The following PRKACB variants were observed in gnomAD, a reference collection of about 807,000 sequenced individuals.
PRKACB encodes cAMP-dependent protein kinase catalytic subunit beta.
PRKACB carries 16 observed loss-of-function variants against 51.4 expected under a neutral mutation model. That is an observed-to-expected ratio of 0.31 (90% CI 0.21 to 0.47). PRKACB has a LOEUF of 0.47. Among genes scored for constraint, PRKACB ranks in the 20% least tolerant of loss-of-function variants. The probability of loss-of-function intolerance (pLI) is 1.00; values close to 1 mark genes in which losing one functional copy is unlikely to be tolerated. For missense variants in PRKACB, 309 were observed against 464.5 expected, an observed-to-expected ratio of 0.67 and a Z score of 3.08; for synonymous variants, 147 against 154.4, an observed-to-expected ratio of 0.95 and a Z score of 0.35.
intron 1 of PRKACB, among the ~76,000 whole-genome samples, chr1:84,085,215 A>G (rs1022269360): frequency 4.6e-5 from 7 of 152,228 alleles, no homozygotes; most frequent in African/African-American, 1.7e-4. Flanking sequence ...TGGAAAGAAC[A>G]TGTAAAATAT....
At chr1:84,092,990 TC>T (rs1648609493) in intron 1 of PRKACB, among the ~76,000 whole-genome samples, 1 of 152,010 alleles carries the variant, frequency 6.6e-6, no homozygotes, top group Non-Finnish European at 1.5e-5. Context: ...TACAGGATTT[TC>T]CCCCCAGACG....
intron 1 of PRKACB, among the ~76,000 whole-genome samples, chr1:84,152,904 G>A (rs772041147): frequency 2.6e-5 from 4 of 152,252 alleles, no homozygotes; most frequent in Non-Finnish European, 5.9e-5. Flanking sequence ...GCTGTATGGT[G>A]CAAGAGGCCT....
intron 2 of PRKACB, 87 bp from the exon 3 acceptor site, chr1:84,182,113 C>T: frequency 5.1e-6 from 5 of 977,352 alleles, no homozygotes; most frequent in East Asian, 3.0e-5. Flanking sequence ...TGGGATTATC[C>T]ATTATGATTA....
intron 1 of PRKACB, among the ~76,000 whole-genome samples, chr1:84,090,101 G>A (rs1355373784): frequency 6.6e-6 from 1 of 152,164 alleles, no homozygotes; most frequent in East Asian, 1.9e-4. Context: ...CAAATGAGCT[G>A]TCAACATGAC....
At chr1:84,176,001 GATT>G (rs1661121257) in intron 1 of PRKACB, among the ~76,000 whole-genome samples, 1 of 151,536 alleles carries the variant, frequency 6.6e-6, no homozygotes, top group Admixed American at 6.6e-5. Flanking sequence ...TTCTTTGAAG[GATT>G]TTTTTCTTAA....
At chr1:84,181,088 A>G (rs1663292983) in intron 2 of PRKACB, among the ~76,000 whole-genome samples, 1 of 152,032 alleles carries the variant, frequency 6.6e-6, no homozygotes, top group Admixed American at 6.6e-5. Flanking sequence ...AACTATGATG[A>G]AAACAAGCTA....
intron 1 of PRKACB, chr1:84,164,284 C>A: frequency 1.3e-6 from 2 of 1,494,232 alleles, no homozygotes; most frequent in South Asian, 1.3e-5. Context: ...AGATTCATCG[C>A]CAATAGTCAC....
At chr1:84,135,728 C>G (rs1052959481) in intron 1 of PRKACB, among the ~76,000 whole-genome samples, 1 of 151,888 alleles carries the variant, frequency 6.6e-6, no homozygotes, top group Non-Finnish European at 1.5e-5. Context: ...AATCAGAGTA[C>G]AGTTTATCAA....
intron 1 of PRKACB, among the ~76,000 whole-genome samples, chr1:84,113,906 A>G (rs1240240276): frequency 6.6e-6 from 1 of 152,316 alleles, no homozygotes; most frequent in African/African-American, 2.4e-5. Context: ...ATGATACAGT[A>G]TTAAATTATG....
chr1:84,163,856 A>T (rs140916425), intron 1 of PRKACB, among the ~76,000 whole-genome samples: 1 of 152,158 alleles, frequency 6.6e-6, no homozygotes, highest in East Asian at 1.9e-4. Flanking sequence ...GTTCTACTTA[A>T]CAAGGAACCA....
intron 1 of PRKACB, among the ~76,000 whole-genome samples, chr1:84,121,881 T>G (rs1651107939): frequency 6.6e-6 from 1 of 152,096 alleles, no homozygotes; most frequent in Non-Finnish European, 1.5e-5. Flanking sequence ...GACATAAATG[T>G]ATTTTCCCTG....
At position 84,099,139 on chromosome 1, in the gene PRKACB, G is replaced by C. The variant is rs552991168; in HGVS notation, c.46+20768G>C. 1.2e-4 allele frequency among the ~76,000 whole-genome samples: 19 copies of C among 152,158 alleles called. 1 individual carries two copies. The highest frequency in any genetic ancestry group is 6.8e-3 in the Middle Eastern group (2 of 292). ...GAGGATATACATATTCGATGAATGT[G>C]TATATCTTCAATTAACTACAAATAA... is the stretch of plus-strand genomic sequence containing the variant. On this transcript the variant is annotated intron_variant, in intron 1 of 8. Transcript: ENST00000370688.
intron 5 of PRKACB, among the ~76,000 whole-genome samples, chr1:84,193,749 T>A (rs903373018): frequency 2.0e-5 from 3 of 152,186 alleles, no homozygotes; most frequent in Non-Finnish European, 4.4e-5. Context: ...CTGGGTGCTC[T>A]GAGTGCTTTA....
chr1:84,147,501 G>A (rs1026786377), intron 1 of PRKACB, among the ~76,000 whole-genome samples: 25 of 151,748 alleles, frequency 1.6e-4, no homozygotes, highest in African/African-American at 5.6e-4. Context: ...TACTCATTTG[G>A]TAAAACTTTT....
intron 6 of PRKACB, 133 bp from the exon 7 acceptor site, chr1:84,197,596 A>G: frequency 3.4e-6 from 2 of 580,962 alleles, no homozygotes; most frequent in Non-Finnish European, 5.8e-6. Context: ...ATGAATTTCA[A>G]TTACGTGGAC....
intron 1 of PRKACB, among the ~76,000 whole-genome samples, chr1:84,159,480 A>AT (rs1323808700): frequency 5.9e-5 from 9 of 152,058 alleles, no homozygotes. Context: ...TGCTAAACTC[A>AT]TTTTTTAGTT....
chr1:84,207,342 A>C (rs1029914117), intron 8 of PRKACB, among the ~76,000 whole-genome samples: 1 of 152,188 alleles, frequency 6.6e-6, no homozygotes, highest in African/African-American at 2.4e-5. Context: ...TGCAGTACCA[A>C]TATTTATAAA....
chr1:84,140,344 A>G (rs760968942), upstream of PRKACB, among the ~76,000 whole-genome samples: 5 of 152,234 alleles, frequency 3.3e-5, no homozygotes, highest in African/African-American at 7.2e-5. Flanking sequence ...CACAACATAG[A>G]TAAATCACAA....
At chr1:84,181,281 A>G (rs1663369364) in intron 2 of PRKACB, among the ~76,000 whole-genome samples, 1 of 152,036 alleles carries the variant, frequency 6.6e-6, no homozygotes, top group African/African-American at 2.4e-5. Context: ...TAAACACTAC[A>G]TACTGGGCCT....
Sources: gnomAD v4.1 joint callset for allele counts (sites outside exome capture counted in the v4.1 genomes callset) on GRCh38, gnomAD v4.1.1 for gene constraint, MANE v1.5 for transcripts, NCBI Gene and HGNC (gene_info 2026-07-23, HGNC 2026-07-21) for gene names.